The following KIF5C variants were observed in gnomAD, a reference collection of about 807,000 sequenced individuals.
The protein encoded by KIF5C is kinesin family member 5C.
Under a neutral mutation model 125.2 loss-of-function variants are expected in KIF5C, and 18 were observed. The observed-to-expected ratio is 0.14, with a 90% CI of 0.10 to 0.21. KIF5C has a LOEUF of 0.21. KIF5C is among the 10% of genes least tolerant of loss of function. The pLI, the probability that KIF5C is intolerant of heterozygous loss-of-function variation, is 1.00. For missense variants in KIF5C, 780 were observed against 1,183.8 expected, an observed-to-expected ratio of 0.66 and a Z score of 5.01; for synonymous variants, 405 against 434.0, an observed-to-expected ratio of 0.93 and a Z score of 0.83.
intron 1 of KIF5C, among the ~76,000 whole-genome samples, chr2:148,916,593 T>C (rs956390349): frequency 4.9e-4 from 75 of 152,304 alleles, no homozygotes; most frequent in Non-Finnish European, 2.8e-4. Flanking sequence ...AACTGCTTGG[T>C]AAGTTTAGTG....
intron 12 of KIF5C, among the ~76,000 whole-genome samples, chr2:148,976,234 A>G (rs1220806924): frequency 7.6e-6 from 1 of 131,352 alleles, no homozygotes; most frequent in African/African-American, 2.9e-5. Flanking sequence ...AAGGGTGTGC[A>G]TATTATTTTG....
chr2:148,877,893 A>G (rs1351024582), intron 1 of KIF5C: 1 of 152,208 alleles, frequency 6.6e-6, no homozygotes, highest in East Asian at 1.9e-4. Flanking sequence ...TGCTATGAGT[A>G]TATATTTCCT....
chr2:149,014,878 T>C (rs1682316137), intron 25 of KIF5C, among the ~76,000 whole-genome samples: 1 of 152,182 alleles, frequency 6.6e-6, no homozygotes, highest in Non-Finnish European at 1.5e-5. Flanking sequence ...TGCTATGAAC[T>C]GACATAAGGG....
intron 1 of KIF5C, among the ~76,000 whole-genome samples, chr2:148,894,502 G>A (rs1285598158): frequency 6.6e-6 from 1 of 152,160 alleles, no homozygotes; most frequent in Non-Finnish European, 1.5e-5. Flanking sequence ...AAAGGGAAAT[G>A]TCTGTAATTT....
chr2:149,014,042 G>A (rs867670462), intron 25 of KIF5C, among the ~76,000 whole-genome samples: 5 of 152,146 alleles, frequency 3.3e-5, no homozygotes, highest in Admixed American at 2.0e-4. Context: ...TCATCTTTTC[G>A]AGATGGAGTT....
Position 148,924,506 on chromosome 2 carries a change from ATGTT to A in KIF5C, c.217+2287_217+2290del, listed in dbSNP as rs1280629689. ...CTGGGTTAAAAAAAATATATTTTAA[ATGTT>A]TGTTTGTGGAGTCCTGGCATCTCTC... On this transcript the variant is annotated intron_variant, in intron 2 of 25. Coordinates refer to ENST00000435030, the MANE Select transcript of KIF5C (RefSeq NM_004522.3). The surrounding 1 kb of genome is among the most constrained non-coding windows in gnomAD (Gnocchi z 4.0). Among the ~76,000 whole-genome samples the A allele has an allele frequency of 1.3e-5, 2 of 152,102 alleles. No individual in the cohort carries two copies. Among genetic ancestry groups the A allele is most frequent in the Non-Finnish European group, 2.9e-5 (2 of 68,008 alleles).
rs892773466 is a variant in KIF5C at position 149,026,440 on chromosome 2, T to C, written c.*3370T>C. ...AGGGCATTCTGTAGAATTATACATG[T>C]CTAGTTTGTAAAGTGTGTCCTGTGT... is the stretch of plus-strand genomic sequence containing the variant. On this transcript the variant is annotated 3_prime_UTR_variant, in exon 26 of 26. Transcript: ENST00000435030. The C allele has an allele frequency of 6.6e-6, 1 of 152,262 alleles. No individual in the cohort carries two copies. The highest frequency in any genetic ancestry group is 1.5e-5 in the Non-Finnish European group (1 of 68,038). The allele number at this position is 152,262 out of a possible 1,614,324, so 9.4% of individuals were successfully genotyped here.
At chr2:148,981,612 T>C in intron 14 of KIF5C, 51 bp downstream of exon 14, 2 of 1,520,858 alleles carry the variant, frequency 1.3e-6, no homozygotes, top group Non-Finnish European at 1.8e-6. Context: ...GCCGTTCCTG[T>C]ACTCATATTG....
chr2:148,959,916 T>A (rs577847095), intron 10 of KIF5C, among the ~76,000 whole-genome samples: 2 of 152,332 alleles, frequency 1.3e-5, no homozygotes, highest in East Asian at 3.9e-4. Context: ...TACCAGGCAA[T>A]CTTTTCCTTC....
intron 1 of KIF5C, among the ~76,000 whole-genome samples, chr2:148,899,570 G>A (rs977321268): frequency 2.6e-5 from 4 of 151,962 alleles, no homozygotes; most frequent in African/African-American, 9.7e-5. Flanking sequence ...GGGCGTGGTG[G>A]TGGGCGCCTG....
chr2:148,933,525 C>T (rs1288386398), intron 3 of KIF5C, among the ~76,000 whole-genome samples: 2 of 151,476 alleles, frequency 1.3e-5, no homozygotes, highest in Non-Finnish European at 3.0e-5. Flanking sequence ...ACACCACACA[C>T]CACATACCAT....
At chr2:148,926,370 C>G (rs1681995678) in intron 2 of KIF5C, among the ~76,000 whole-genome samples, 1 of 152,208 alleles carries the variant, frequency 6.6e-6, no homozygotes, top group Non-Finnish European at 1.5e-5. Flanking sequence ...GAGGTCACAT[C>G]ACACCAGGCA....
At chr2:148,961,526 G>C (rs1385850214) in intron 10 of KIF5C, among the ~76,000 whole-genome samples, 1 of 152,196 alleles carries the variant, frequency 6.6e-6, no homozygotes, top group Non-Finnish European at 1.5e-5. Flanking sequence ...TCGTCTATCT[G>C]TCTTGGTGTA....
intron 1 of KIF5C, among the ~76,000 whole-genome samples, chr2:148,907,875 G>A (rs1347808519): frequency 6.6e-6 from 1 of 152,206 alleles, no homozygotes; most frequent in Non-Finnish European, 1.5e-5. Flanking sequence ...AGTCAACTGG[G>A]GCCGCCCAGC....
chr2:148,971,899 G>A (rs1264468282), intron 11 of KIF5C, among the ~76,000 whole-genome samples: 6 of 152,242 alleles, frequency 3.9e-5, no homozygotes, highest in African/African-American at 1.2e-4. Flanking sequence ...TGAAGCCACA[G>A]ATTGAAATCT....
At chr2:148,986,699 A>C (rs1042015928) in intron 15 of KIF5C, among the ~76,000 whole-genome samples, 2 of 152,216 alleles carry the variant, frequency 1.3e-5, no homozygotes. Flanking sequence ...TAATTTTCAC[A>C]AGGTCCCTCC....
chr2:148,944,649 A>C (rs1206204177), intron 7 of KIF5C, among the ~76,000 whole-genome samples: 3 of 152,184 alleles, frequency 2.0e-5, no homozygotes, highest in Admixed American at 6.5e-5. Context: ...TCTTTTGAGT[A>C]TATATGCAGA....
intron 2 of KIF5C, among the ~76,000 whole-genome samples, chr2:148,927,946 A>T (rs1193735023): frequency 6.6e-6 from 1 of 151,934 alleles, no homozygotes; most frequent in Non-Finnish European, 1.5e-5. Context: ...GCTTGATACA[A>T]ACTCTTGAGG....
At chr2:148,996,501 A>G (rs182078774) in intron 17 of KIF5C, among the ~76,000 whole-genome samples, 293 of 152,346 alleles carry the variant, frequency 1.9e-3, no homozygotes, top group Non-Finnish European at 7.1e-4. Flanking sequence ...AATAGAGGCA[A>G]GAAAACCTGA....
Sources: allele counts gnomAD v4.1 joint callset (sites outside exome capture counted in the v4.1 genomes callset), GRCh38; gene constraint gnomAD v4.1.1; non-coding constraint Gnocchi (gnomAD v3.1); transcripts MANE v1.5; gene names NCBI Gene and HGNC (gene_info 2026-07-23, HGNC 2026-07-21).